SYN3: variants seen among roughly 807,000 people sequenced by gnomAD.
SYN3 encodes synapsin III.
SYN3 carries 35 observed loss-of-function variants against 65.8 expected under a neutral mutation model. That is an observed-to-expected ratio of 0.53 (90% CI 0.41 to 0.70). The LOEUF is 0.70. SYN3 is among the 30% of genes least tolerant of loss of function. The pLI, the probability that SYN3 is intolerant of heterozygous loss-of-function variation, is 0.00. For synonymous variants in SYN3, 270 were observed against 292.9 expected, an observed-to-expected ratio of 0.92 and a Z score of 0.80; for missense variants, 680 against 749.0, an observed-to-expected ratio of 0.91 and a Z score of 1.08.
intron 6 of SYN3, among the ~76,000 whole-genome samples, chr22:32,772,590 T>G (rs1477046238): frequency 6.6e-6 from 1 of 152,134 alleles, no homozygotes; most frequent in Non-Finnish European, 1.5e-5. Flanking sequence ...TTTACAGATG[T>G]GATTATGTTA....
At chr22:32,627,201 G>C (rs1288009532) in intron 6 of SYN3, among the ~76,000 whole-genome samples, 2 of 151,986 alleles carry the variant, frequency 1.3e-5, no homozygotes, top group Non-Finnish European at 2.9e-5. Flanking sequence ...ATCCGAGCTG[G>C]CACGGTTCAA....
At chr22:33,001,003 G>A (rs768331553) in intron 2 of SYN3, among the ~76,000 whole-genome samples, 17 of 152,196 alleles carry the variant, frequency 1.1e-4, no homozygotes, top group Admixed American at 5.2e-4. Flanking sequence ...ATTCAGAGAG[G>A]TTAGGAAGTT....
At chr22:32,689,268 A>T (rs2060632416) in intron 6 of SYN3, among the ~76,000 whole-genome samples, 1 of 152,184 alleles carries the variant, frequency 6.6e-6, no homozygotes, top group African/African-American at 2.4e-5. Context: ...GGAGTGGAAA[A>T]TGAATGACTT....
At chr22:32,541,795 CTATA>C (rs1282211205) in intron 7 of SYN3, 82 bp from the exon 8 acceptor site, 8 of 1,493,480 alleles carry the variant, frequency 5.4e-6, no homozygotes, top group Non-Finnish European at 7.2e-6. Flanking sequence ...AGTGCTCTGT[CTATA>C]GACACGAATT....
intron 6 of SYN3, among the ~76,000 whole-genome samples, chr22:32,772,018 G>A (rs73156483): frequency 0.098 from 14,874 of 152,164 alleles, 904 homozygotes; most frequent in Admixed American, 0.15. Context: ...GCACTAGGCT[G>A]TCTGGAGAGC....
intron 4 of SYN3, among the ~76,000 whole-genome samples, chr22:32,898,332 CT>C (rs2049657499): frequency 6.6e-6 from 1 of 151,950 alleles, no homozygotes; most frequent in African/African-American, 2.4e-5. Context: ...CGGGGTTTCA[CT>C]ATGTTGCCCA....
At chr22:32,882,939 T>C (rs2049183084) in intron 4 of SYN3, among the ~76,000 whole-genome samples, 1 of 151,864 alleles carries the variant, frequency 6.6e-6, no homozygotes, top group South Asian at 2.1e-4. Flanking sequence ...CCCTTGCTTC[T>C]CTGAACTATT....
intron 6 of SYN3, chr22:32,629,567 A>G (rs2059717834): frequency 6.6e-6 from 1 of 152,250 alleles, no homozygotes. Flanking sequence ...GTGGGCAGGG[A>G]TTGGCTTCCT....
At chr22:32,557,051 T>C (rs1354878062) in intron 7 of SYN3, among the ~76,000 whole-genome samples, 2 of 152,196 alleles carry the variant, frequency 1.3e-5, no homozygotes, top group African/African-American at 4.8e-5. Flanking sequence ...TCAAGATAGA[T>C]GCATCAGGAC....
In SYN3 at chr22:32,513,375, G is replaced by A. The variant is rs1408285686; in HGVS notation, c.*317C>T. On this transcript the variant is annotated 3_prime_UTR_variant, in exon 14 of 14. Transcript: ENST00000358763. ...GTAAGAATGTGAAAACTAGCCACTC[G>A]CAGACATCTCACTTGGTTATCTGGC... 3 of 255,454 alleles carry A rather than the reference G, an allele frequency of 1.2e-5. No homozygotes were observed. Among genetic ancestry groups the A allele is most frequent in the Admixed American group, 9.8e-5 (2 of 20,412 alleles). The allele number at this position is 255,454 out of a possible 1,614,324, so 15.8% of individuals were successfully genotyped here. A position where few individuals can be genotyped will look rare whatever the true frequency, so the allele number is the denominator to read the frequency against.
At chr22:32,989,083 G>T (rs1032469672) in intron 2 of SYN3, among the ~76,000 whole-genome samples, 1 of 152,168 alleles carries the variant, frequency 6.6e-6, no homozygotes, top group East Asian at 1.9e-4. Flanking sequence ...GCTGCTCCCC[G>T]ATGGGCTGCA....
chr22:33,032,852 G>A (rs897861903), intron 1 of SYN3, among the ~76,000 whole-genome samples: 8 of 152,034 alleles, frequency 5.3e-5, no homozygotes, highest in East Asian at 3.9e-4. Context: ...TTTTTGTGCC[G>A]AACCAATGTA....
intron 6 of SYN3, among the ~76,000 whole-genome samples, chr22:32,687,954 C>CG (rs11404325): frequency 1 from 152,246 of 152,252 alleles, 76,120 homozygotes; most frequent in Middle Eastern, 1. Context: ...TCACAGCAAT[C>CG]GCACAGCCAT....
In SYN3 at chr22:32,801,372, A is replaced by T. The variant is rs1346047774; in HGVS notation, c.711+63543T>A. 6.6e-6 allele frequency among the ~76,000 whole-genome samples: 1 copy of T among 152,194 alleles called. No individual in the cohort carries two copies. The highest frequency in any genetic ancestry group is 1.5e-5 in the Non-Finnish European group (1 of 68,024). ...GTTAGTTGGTTCTGGTTTGGGTCAGAGACACCCAGTGGCCCAGGTGGGCGT... is the reference window on the plus strand; with the variant it reads ...GTTAGTTGGTTCTGGTTTGGGTCAGTGACACCCAGTGGCCCAGGTGGGCGT... On this transcript the variant is annotated intron_variant, in intron 6 of 13. Transcript: ENST00000358763. This position sits in a 1 kb window ranked among gnomAD's most constrained non-coding sequence, Gnocchi z 4.7.
intron 6 of SYN3, among the ~76,000 whole-genome samples, chr22:32,637,971 T>G (rs973509532): frequency 1.3e-5 from 2 of 152,176 alleles, no homozygotes; most frequent in Non-Finnish European, 2.9e-5. Flanking sequence ...TTTCCCTTCC[T>G]TCCCTCTTCC....
intron 6 of SYN3, among the ~76,000 whole-genome samples, chr22:32,811,552 G>A (rs1237200072): frequency 6.6e-6 from 1 of 152,132 alleles, no homozygotes; most frequent in Non-Finnish European, 1.5e-5. Flanking sequence ...GTTCCATTTT[G>A]TCACAGTGCT....
intron 3 of SYN3, among the ~76,000 whole-genome samples, chr22:32,933,256 A>G (rs1490750941): frequency 6.6e-6 from 1 of 152,176 alleles, no homozygotes; most frequent in Non-Finnish European, 1.5e-5. Context: ...AGCACTCACT[A>G]TGTGCCAGGT....
At chr22:33,012,024 G>A (rs2053362395) in intron 1 of SYN3, among the ~76,000 whole-genome samples, 1 of 151,854 alleles carries the variant, frequency 6.6e-6, no homozygotes, top group African/African-American at 2.4e-5. Context: ...TCCATTGTTT[G>A]TTTTCTATTT....
At chr22:32,930,120 T>A (rs555436278) in intron 4 of SYN3, among the ~76,000 whole-genome samples, 41 of 152,322 alleles carry the variant, frequency 2.7e-4, no homozygotes, top group African/African-American at 8.9e-4. Flanking sequence ...AGTTGAATTA[T>A]CATAATTTAC....
Sources: gnomAD v4.1 joint callset for allele counts (sites outside exome capture counted in the v4.1 genomes callset) on GRCh38, gnomAD v4.1.1 for gene constraint, Gnocchi (gnomAD v3.1) non-coding constraint, MANE v1.5 for transcripts, NCBI Gene and HGNC (gene_info 2026-07-23, HGNC 2026-07-21) for gene names.